Variants in EYA2 observed in about 807,000 individuals in gnomAD.
EYA2 encodes the protein EYA transcriptional coactivator and phosphatase 2.
EYA2 carries 31 observed loss-of-function variants against 69.2 expected under a neutral mutation model. The observed-to-expected ratio is 0.45, with a 90% CI of 0.34 to 0.60. The LOEUF (loss-of-function observed/expected upper bound fraction) is 0.60, where lower values mean the gene tolerates loss of function less well. EYA2 is among the 20% of genes least tolerant of loss of function. The pLI, the probability that EYA2 is intolerant of heterozygous loss-of-function variation, is 0.02. For missense variants in EYA2, 622 were observed against 701.2 expected (o/e 0.89, Z 1.28); for synonymous variants, 257 against 279.4 (o/e 0.92, Z 0.80).
At chr20:47,019,651 T>G (rs922253741) in intron 5 of EYA2, among the ~76,000 whole-genome samples, 1 of 152,146 alleles carries the variant, frequency 6.6e-6, no homozygotes, top group Non-Finnish European at 1.5e-5. Context: ...TGGCCCATGG[T>G]GAGAAGCTAG....
intron 1 of EYA2, among the ~76,000 whole-genome samples, chr20:46,988,590 C>T (rs757762955): frequency 6.6e-5 from 10 of 152,240 alleles, no homozygotes; most frequent in Non-Finnish European, 1.2e-4. Flanking sequence ...CTGAAGACAA[C>T]TGCAGGTTAA....
At chr20:47,170,605 C>T (rs1415651330) in intron 11 of EYA2, among the ~76,000 whole-genome samples, 2 of 151,638 alleles carry the variant, frequency 1.3e-5, no homozygotes, top group African/African-American at 4.9e-5. Flanking sequence ...CGAGATCGTG[C>T]CACTGCACTC....
chr20:47,026,612 G>A (rs1984102335), intron 5 of EYA2, among the ~76,000 whole-genome samples: 1 of 152,164 alleles, frequency 6.6e-6, no homozygotes, highest in African/African-American at 2.4e-5. Context: ...ACTAGTCTAT[G>A]GATTGAACCT....
At chr20:46,940,884 G>A (rs373128290) in intron 1 of EYA2, among the ~76,000 whole-genome samples, 5 of 152,148 alleles carry the variant, frequency 3.3e-5, no homozygotes, top group African/African-American at 9.6e-5. Context: ...CCCGCAGAAC[G>A]GGGCCAGTGA....
chr20:47,122,963 C>T (rs1187522121), intron 9 of EYA2, among the ~76,000 whole-genome samples: 3 of 152,208 alleles, frequency 2.0e-5, no homozygotes, highest in Non-Finnish European at 4.4e-5. Context: ...AAGACAGCTC[C>T]ACTTCCTAGC....
At chr20:46,929,292 T>A (rs1052494314) in intron 1 of EYA2, among the ~76,000 whole-genome samples, 1 of 151,960 alleles carries the variant, frequency 6.6e-6, no homozygotes, top group East Asian at 1.9e-4. Flanking sequence ...CTGAAGGAAC[T>A]GGGAACTGTT....
chr20:47,001,990 GGCGTGATCTCA>G (rs1982412841), intron 3 of EYA2, among the ~76,000 whole-genome samples: 1 of 150,500 alleles, frequency 6.6e-6, no homozygotes, highest in Admixed American at 6.6e-5. Context: ...GGAGTGCAGT[GGCGTGATCTCA>G]GCTCACTGCA....
At chr20:47,084,490 G>A (rs1398192535) in intron 7 of EYA2, among the ~76,000 whole-genome samples, 1 of 151,970 alleles carries the variant, frequency 6.6e-6, no homozygotes, top group Non-Finnish European at 1.5e-5. Context: ...GCAGGGAGCT[G>A]TAATTGTGCC....
At chr20:47,140,131 A>G (rs1203918126) in intron 9 of EYA2, among the ~76,000 whole-genome samples, 2 of 152,192 alleles carry the variant, frequency 1.3e-5, no homozygotes, top group Non-Finnish European at 2.9e-5. Flanking sequence ...GATTAGGTGC[A>G]CGAATTGCTC....
At chr20:46,919,068 C>G (rs909678386) in intron 1 of EYA2, among the ~76,000 whole-genome samples, 1 of 152,236 alleles carries the variant, frequency 6.6e-6, no homozygotes, top group Non-Finnish European at 1.5e-5. Flanking sequence ...CTAAAATGTT[C>G]AGCAAACCAT....
At chr20:47,022,040 A>G (rs190935612) in intron 5 of EYA2, among the ~76,000 whole-genome samples, 3 of 152,344 alleles carry the variant, frequency 2.0e-5, no homozygotes, top group East Asian at 3.9e-4. Context: ...CGTTTAGTCA[A>G]TAGTGCATGC....
At chr20:47,173,007 C>G in intron 12 of EYA2, 140 bp downstream of exon 12, 2 of 910,722 alleles carry the variant, frequency 2.2e-6, no homozygotes, top group Non-Finnish European at 3.2e-6. Context: ...CTGACGACAC[C>G]CTTCGGAATA....
intron 3 of EYA2, among the ~76,000 whole-genome samples, chr20:47,002,156 C>G (rs1302521314): frequency 6.7e-6 from 1 of 150,254 alleles, no homozygotes; most frequent in Non-Finnish European, 1.5e-5. Flanking sequence ...CCATCCTTTT[C>G]TCTCCACCTC....
At chr20:46,981,555 A>G (rs945894335) in intron 1 of EYA2, among the ~76,000 whole-genome samples, 2 of 152,202 alleles carry the variant, frequency 1.3e-5, no homozygotes, top group Non-Finnish European at 2.9e-5. Flanking sequence ...TGCTATAGGT[A>G]TTTTAGATTT....
chr20:47,072,112 A>C (rs1289320358), intron 5 of EYA2, 73 bp from the exon 6 acceptor site: 3 of 1,387,626 alleles, frequency 2.2e-6, no homozygotes, highest in Non-Finnish European at 3.1e-6. Flanking sequence ...AGGTTCATGA[A>C]ATGCTAACAA....
intron 1 of EYA2, among the ~76,000 whole-genome samples, chr20:46,948,154 A>C (rs1010236189): frequency 5.3e-5 from 8 of 152,196 alleles, no homozygotes; most frequent in Admixed American, 1.3e-4. Context: ...AAAGAAAAAA[A>C]TTACTACCAT....
At chr20:46,918,410 G>A (rs1005958079) in intron 1 of EYA2, among the ~76,000 whole-genome samples, 2 of 150,594 alleles carry the variant, frequency 1.3e-5, no homozygotes. Flanking sequence ...TGGGGCTCAA[G>A]CAATTCTCAT....
intron 1 of EYA2, among the ~76,000 whole-genome samples, chr20:46,943,774 A>C (rs1986251087): frequency 6.6e-6 from 1 of 152,224 alleles, no homozygotes; most frequent in African/African-American, 2.4e-5. Context: ...AGCTGTAAGA[A>C]TTTAAGGGAA....
rs767756028 is a variant in EYA2, at chr20:47,173,509, T to TAAAAAAAAA, written c.1198+657_1198+665dup. ...GCCTGGGCAACAAAGTGAGACCCCG[T>TAAAAAAAAA]AAAAAAAAAAAAAAAAAAAAAAACG... is the stretch of plus-strand genomic sequence containing the variant. On this transcript the variant is annotated intron_variant, in intron 12 of 15. Coordinates refer to ENST00000327619, the MANE Select transcript of EYA2 (RefSeq NM_005244.5). Among the ~76,000 whole-genome samples, 27 of 83,644 alleles carry TAAAAAAAAA rather than the reference T, an allele frequency of 3.2e-4. 5 individuals are homozygous for TAAAAAAAAA. Among genetic ancestry groups the TAAAAAAAAA allele is most frequent in the African/African-American group, 9.9e-4 (22 of 22,196 alleles). 54.9% of individuals were successfully genotyped at this position (83,644 alleles called of 152,430 possible). A position where few individuals can be genotyped will look rare whatever the true frequency, so the allele number is the denominator to read the frequency against.
Sources: gnomAD v4.1 joint callset for allele counts (sites outside exome capture counted in the v4.1 genomes callset) on GRCh38, gnomAD v4.1.1 for gene constraint, MANE v1.5 for transcripts, NCBI Gene and HGNC (gene_info 2026-07-23, HGNC 2026-07-21) for gene names.